Variants in SH3RF3 observed in about 807,000 individuals in gnomAD.
SH3RF3 encodes the protein SH3 domain containing ring finger 3, also known as E3 ubiquitin-protein ligase SH3RF3.
SH3RF3 carries 29 observed loss-of-function variants against 66.3 expected under a neutral mutation model. That is an observed-to-expected ratio of 0.44 (90% confidence interval 0.33 to 0.60). The LOEUF (loss-of-function observed/expected upper bound fraction) is 0.60, where lower values mean the gene tolerates loss of function less well. Among genes scored for constraint, SH3RF3 ranks in the 20% least tolerant of loss-of-function variants. The pLI is 0.04. For synonymous variants in SH3RF3, 583 were observed against 532.0 expected (o/e 1.10, Z -1.32); for missense variants, 1,194 against 1,190.9 (o/e 1.00, Z -0.04).
chr2:109,399,857 C>T (rs1676255967), intron 4 of SH3RF3, among the ~76,000 whole-genome samples: 1 of 152,202 alleles, frequency 6.6e-6, no homozygotes, highest in South Asian at 2.1e-4. Flanking sequence ...TGACCTTCTG[C>T]AGGACTGTGG....
At chr2:109,305,267 A>G (rs2105407922) in intron 1 of SH3RF3, among the ~76,000 whole-genome samples, 1 of 152,238 alleles carries the variant, frequency 6.6e-6, no homozygotes, top group East Asian at 1.9e-4. Flanking sequence ...TCAGTGATTC[A>G]TTCCAGACTG....
At chr2:109,454,361 G>A (rs1677976698) in intron 8 of SH3RF3, among the ~76,000 whole-genome samples, 1 of 152,148 alleles carries the variant, frequency 6.6e-6, no homozygotes, top group African/African-American at 2.4e-5. Flanking sequence ...ACTCCTGAAG[G>A]GTCTGGGCCA....
chr2:109,224,656 A>C (rs960819167), intron 1 of SH3RF3, among the ~76,000 whole-genome samples: 1 of 152,198 alleles, frequency 6.6e-6, no homozygotes, highest in Admixed American at 6.5e-5. Flanking sequence ...TCAGGAGTTC[A>C]AGACCAACCT....
At chr2:109,208,625 T>A (rs1678896561) in intron 1 of SH3RF3, among the ~76,000 whole-genome samples, 1 of 152,246 alleles carries the variant, frequency 6.6e-6, no homozygotes, top group South Asian at 2.1e-4. Flanking sequence ...GTCATTTGAC[T>A]TTACTGTTTT....
At chr2:109,427,918 C>T (rs1048744896) in intron 5 of SH3RF3, among the ~76,000 whole-genome samples, 3 of 152,244 alleles carry the variant, frequency 2.0e-5, no homozygotes, top group Non-Finnish European at 4.4e-5. Flanking sequence ...CCCAGGTGCT[C>T]GCGCACGCTC....
chr2:109,164,153 A>C (rs975294360), intron 1 of SH3RF3, among the ~76,000 whole-genome samples: 1 of 150,620 alleles, frequency 6.6e-6, no homozygotes, highest in Admixed American at 6.6e-5. Flanking sequence ...GTCCAGGAAA[A>C]CTCTGATGCC....
chr2:109,198,188 A>G (rs1678551956), intron 1 of SH3RF3, among the ~76,000 whole-genome samples: 1 of 152,184 alleles, frequency 6.6e-6, no homozygotes, highest in Non-Finnish European at 1.5e-5. Flanking sequence ...GACCTTCTGG[A>G]ACCCTCAAGA....
At chr2:109,373,169 G>A (rs548420674) in intron 3 of SH3RF3, among the ~76,000 whole-genome samples, 2 of 152,132 alleles carry the variant, frequency 1.3e-5, no homozygotes, top group Non-Finnish European at 2.9e-5. Flanking sequence ...TCAACACTTC[G>A]CAAGTTTCCA....
intron 1 of SH3RF3, among the ~76,000 whole-genome samples, chr2:109,304,488 C>T (rs1197622936): frequency 2.0e-5 from 3 of 152,160 alleles, no homozygotes; most frequent in Non-Finnish European, 4.4e-5. Context: ...GTCTCTGGAC[C>T]TGCTTCCTGA....
intron 5 of SH3RF3, among the ~76,000 whole-genome samples, chr2:109,431,654 T>C (rs1359477746): frequency 6.6e-6 from 1 of 152,164 alleles, no homozygotes; most frequent in African/African-American, 2.4e-5. Flanking sequence ...GGAGGATTGC[T>C]TGAGACTAGG....
intron 3 of SH3RF3, among the ~76,000 whole-genome samples, chr2:109,373,578 T>A (rs1163892415): frequency 2.7e-5 from 4 of 150,464 alleles, no homozygotes; most frequent in East Asian, 1.9e-4. Flanking sequence ...TGGGTTTTTT[T>A]AGGAGGTTCA....
intron 2 of SH3RF3, among the ~76,000 whole-genome samples, chr2:109,369,052 C>T (rs945971255): frequency 2.0e-5 from 3 of 152,106 alleles, no homozygotes; most frequent in Admixed American, 1.3e-4. Flanking sequence ...TAGAAAAGCC[C>T]TCCCACACTT....
At chr2:109,333,040 C>T (rs72824708) in intron 1 of SH3RF3, among the ~76,000 whole-genome samples, 3,603 of 152,350 alleles carry the variant, frequency 0.024, 78 homozygotes, top group Non-Finnish European at 0.032. Flanking sequence ...ATTGGGAATG[C>T]GCGTGAGTGC....
intron 1 of SH3RF3, among the ~76,000 whole-genome samples, chr2:109,132,314 G>A (rs6736616): frequency 0.2 from 30,964 of 151,938 alleles, 3,922 homozygotes; most frequent in Middle Eastern, 0.36. Context: ...ATTTTGTTAC[G>A]GTTCAATATT....
At position 109,301,308 on chromosome 2, in the gene SH3RF3, TGGG is replaced by T. The variant is rs1214766316; in HGVS notation, c.574-46362_574-46360del. Among the ~76,000 whole-genome samples, 5 of 146,102 alleles carry T rather than the reference TGGG, an allele frequency of 3.4e-5. 1 individual carries two copies. In the Admixed American group the frequency reaches 3.4e-4, roughly 10 times the overall value. On this transcript the variant is annotated intron_variant, in intron 1 of 9. Coordinates refer to ENST00000309415, the MANE Select transcript of SH3RF3 (RefSeq NM_001099289.3). ...GGTGTGTGTCTGTGTGTGTATGTGG[TGGG>T]GGGCGGGCTGTGTATCTGTGTGACG...
At chr2:109,492,080 C>A (rs901375908) in intron 9 of SH3RF3, among the ~76,000 whole-genome samples, 5 of 152,188 alleles carry the variant, frequency 3.3e-5, no homozygotes, top group African/African-American at 1.2e-4. Context: ...TCTGTGGTGA[C>A]CACGTCCTCT....
intron 1 of SH3RF3, among the ~76,000 whole-genome samples, chr2:109,246,040 C>T (rs564781422): frequency 6.4e-4 from 97 of 152,282 alleles, no homozygotes; most frequent in Non-Finnish European, 1.2e-3. Flanking sequence ...AATCAAGACA[C>T]CTGGATTCAT....
chr2:109,286,601 A>T (rs1574551056), intron 1 of SH3RF3, among the ~76,000 whole-genome samples: 1 of 152,186 alleles, frequency 6.6e-6, no homozygotes, highest in South Asian at 2.1e-4. Context: ...GGATTGGCAC[A>T]TGGTGAGGGG....
chr2:109,234,215 T>C (rs1679588363), intron 1 of SH3RF3, among the ~76,000 whole-genome samples: 3 of 152,186 alleles, frequency 2.0e-5, no homozygotes, highest in African/African-American at 7.2e-5. Context: ...GAATTTGTTA[T>C]TAGTCAGTTA....
Sources: allele counts gnomAD v4.1 joint callset (sites outside exome capture counted in the v4.1 genomes callset), GRCh38; gene constraint gnomAD v4.1.1; transcripts MANE v1.5; gene names NCBI Gene and HGNC (gene_info 2026-07-23, HGNC 2026-07-21).